The following ITGA8 variants were observed in gnomAD, a reference collection of about 807,000 sequenced individuals.
ITGA8 encodes integrin alpha-8.
In ITGA8, 91 loss-of-function variants were observed where a neutral mutation model predicts 142.3. The observed-to-expected ratio is 0.64, with a 90% confidence interval of 0.54 to 0.76. The LOEUF (loss-of-function observed/expected upper bound fraction) is 0.76, where lower values mean the gene tolerates loss of function less well. ITGA8 is among the 30% of genes least tolerant of loss of function. The pLI, the probability that ITGA8 is intolerant of heterozygous loss-of-function variation, is 0.00. For synonymous variants in ITGA8, 505 were observed against 485.2 expected (o/e 1.04, Z -0.54); for missense variants, 1,406 against 1,327.7 (o/e 1.06, Z -0.92).
In ITGA8 at chr10:15,586,658, G is replaced by T. The variant is rs1243027041; in HGVS notation, c.2298C>A (p.Asn766Lys). 5 of 1,603,112 alleles carry T rather than the reference G, an allele frequency of 3.1e-6. No individual in the cohort carries two copies. Among genetic ancestry groups the T allele is most frequent in the Non-Finnish European group, 4.3e-6 (5 of 1,170,316 alleles). ...INFDLQIRSS[N>K]KDNPDSNFVS... ...CAAAATTGCTGTCTGGATTGTCCTTGTTGGAACTAAAACACAAGGACATGT... is the reference window on the plus strand; with the variant it reads ...CAAAATTGCTGTCTGGATTGTCCTTTTTGGAACTAAAACACAAGGACATGT... Residue 766 changes from asparagine (N) to lysine (K), a missense_variant, in exon 23 of 30, where the codon AAC becomes AAA. By Grantham distance (94) the Asn-to-Lys change is moderately conservative (BLOSUM62 0). Coordinates refer to ENST00000378076, the MANE Select transcript of ITGA8 (RefSeq NM_003638.3).
intron 11 of ITGA8, among the ~76,000 whole-genome samples, chr10:15,653,160 C>T (rs1834120237): frequency 6.6e-6 from 1 of 152,146 alleles, no homozygotes; most frequent in Non-Finnish European, 1.5e-5. Flanking sequence ...TTTTGCTCTT[C>T]CACAGGGAAC....
intron 2 of ITGA8, among the ~76,000 whole-genome samples, chr10:15,711,479 A>T (rs1835362939): frequency 6.6e-6 from 1 of 152,054 alleles, no homozygotes; most frequent in Non-Finnish European, 1.5e-5. Flanking sequence ...TTTTCTCTTC[A>T]TCTTTTTGTT....
rs185143357 is a variant in ITGA8 at position 15,644,243 on chromosome 10, G to A, written c.1208-22C>T. On this transcript the variant is annotated intron_variant, in intron 12 of 29. Coordinates refer to ENST00000378076, the MANE Select transcript of ITGA8 (RefSeq NM_003638.3). ...ATGTCTAAAAACAGACATAAAACAT[G>A]TTTTATGTGTATATGTATTTAATTC... 9.1e-4 allele frequency: 1,455 copies of A among 1,602,288 alleles called. 6 individuals are homozygous for A. The African/African-American group carries it at 0.013, about 15-fold the overall frequency.
At chr10:15,537,465 C>T (rs1833468075) in intron 27 of ITGA8, among the ~76,000 whole-genome samples, 1 of 152,162 alleles carries the variant, frequency 6.6e-6, no homozygotes, top group African/African-American at 2.4e-5. Flanking sequence ...GCTACAGATT[C>T]TTCTTTTCTG....
intron 11 of ITGA8, among the ~76,000 whole-genome samples, chr10:15,648,213 T>C (rs1161155928): frequency 1.3e-5 from 2 of 152,146 alleles, no homozygotes; most frequent in Non-Finnish European, 2.9e-5. Context: ...TTGATCTAAA[T>C]TAATGGCCTC....
intron 2 of ITGA8, among the ~76,000 whole-genome samples, chr10:15,699,502 C>T (rs1042953311): frequency 6.6e-6 from 1 of 152,188 alleles, no homozygotes; most frequent in Non-Finnish European, 1.5e-5. Flanking sequence ...CAGTCTAGCT[C>T]ATTCTTTTTA....
intron 8 of ITGA8, among the ~76,000 whole-genome samples, chr10:15,664,785 T>C (rs1834356189): frequency 6.6e-6 from 1 of 151,768 alleles, no homozygotes; most frequent in African/African-American, 2.4e-5. Context: ...TTTGTCCTTG[T>C]GATAGTTTGC....
In ITGA8 at chr10:15,537,648, A is replaced by C. The variant is rs78751758; in HGVS notation, c.2881-6497T>G. Among the ~76,000 whole-genome samples, 63 of 152,176 alleles carry C rather than the reference A, an allele frequency of 4.1e-4. No individual in the cohort carries two copies. The East Asian group carries it at 0.011, about 28-fold the overall frequency. ...CTGAAGTGTGTGGGCTAAAATAGTA[A>C]CTTTCCCCTACACTCTAGTGTCATA... On this transcript the variant is annotated intron_variant, in intron 27 of 29. Coordinates refer to ENST00000378076, the MANE Select transcript of ITGA8 (RefSeq NM_003638.3).
rs529948596 is a variant in ITGA8 at position 15,675,004 on chromosome 10, G to A, written c.677-2255C>T. Among the ~76,000 whole-genome samples, 263 of 151,284 alleles carry A rather than the reference G, an allele frequency of 1.7e-3. 1 individual carries two copies. Among genetic ancestry groups the A allele is most frequent in the African/African-American group, 6.2e-3 (255 of 41,226 alleles). On this transcript the variant is annotated intron_variant, in intron 6 of 29. Transcript: ENST00000378076. ...CTCAATGACTTTTAAACATGATCAA[G>A]TTTCTTCCATTAAAAAAATTCCTCC...
At chr10:15,637,287 T>C (rs1275665627) in intron 13 of ITGA8, among the ~76,000 whole-genome samples, 1 of 152,214 alleles carries the variant, frequency 6.6e-6, no homozygotes, top group African/African-American at 2.4e-5. Flanking sequence ...TTTTCTATTC[T>C]GAGCCATTTG....
chr10:15,566,533 G>A (rs1326210015), intron 25 of ITGA8, among the ~76,000 whole-genome samples: 3 of 152,006 alleles, frequency 2.0e-5, no homozygotes, highest in Admixed American at 6.6e-5. Context: ...ATCCTAGGCC[G>A]GGCATGGTGG....
At chr10:15,621,137 T>C (rs1833483302) in intron 13 of ITGA8, among the ~76,000 whole-genome samples, 1 of 151,942 alleles carries the variant, frequency 6.6e-6, no homozygotes. Context: ...TAAAAAACTT[T>C]GCCTTTCTCT....
chr10:15,562,214 A>G (rs541467262), intron 25 of ITGA8, among the ~76,000 whole-genome samples: 2 of 152,322 alleles, frequency 1.3e-5, no homozygotes, highest in African/African-American at 4.8e-5. Flanking sequence ...TAGTAATGAT[A>G]GAGCTATTGC....
Position 15,514,729 on chromosome 10 carries a change from G to C in ITGA8, c.*2429C>G, listed in dbSNP as rs1832931963. ...TTGCTTCCATATTCTAAAGGGCAGA[G>C]GGCCACTGCGTGCATGCGCGTGTGT... On this transcript the variant is annotated 3_prime_UTR_variant, in exon 30 of 30. Coordinates refer to ENST00000378076, the MANE Select transcript of ITGA8 (RefSeq NM_003638.3). The C allele has an allele frequency of 2.0e-5, 3 of 152,262 alleles. No individual in the cohort carries two copies. The highest frequency in any genetic ancestry group is 4.4e-5 in the Non-Finnish European group (3 of 68,110). 9.4% of individuals were successfully genotyped at this position (152,262 alleles called of 1,614,324 possible).
intron 13 of ITGA8, among the ~76,000 whole-genome samples, chr10:15,640,771 G>A (rs535563725): frequency 7.9e-5 from 12 of 152,236 alleles, no homozygotes; most frequent in African/African-American, 2.9e-4. Flanking sequence ...TCCTAACAGT[G>A]GCTCAGAAGC....
At chr10:15,571,201 G>A (rs2131580448) in intron 25 of ITGA8, among the ~76,000 whole-genome samples, 1 of 152,292 alleles carries the variant, frequency 6.6e-6, no homozygotes, top group Non-Finnish European at 1.5e-5. Context: ...CTTTGAATAG[G>A]AGGCATGTTG....
chr10:15,561,235 G>GTATATATATATATATGTA (rs1833973861), intron 25 of ITGA8, among the ~76,000 whole-genome samples: 2 of 101,578 alleles, frequency 2.0e-5, no homozygotes, highest in African/African-American at 6.3e-5. Context: ...ATATATATAT[G>GTATATATATATATATGTA]TATATATATA....
In ITGA8 at chr10:15,526,210, G is replaced by C. The variant is rs140091037; in HGVS notation, c.2982+4840C>G. Among the ~76,000 whole-genome samples, 1,110 of 150,594 alleles carry C rather than the reference G, an allele frequency of 7.4e-3. 12 individuals are homozygous for C. The highest frequency in any genetic ancestry group is 0.026 in the African/African-American group (1,075 of 41,032). On this transcript the variant is annotated intron_variant, in intron 28 of 29. Transcript: ENST00000378076. ...TTTTTTTTTGAGACGGAGTTGTGCT[G>C]TTATCGCCCAGGCTGGAGTGTTATC... is the stretch of plus-strand genomic sequence containing the variant.
At chr10:15,593,985 GTGTGT>G (rs1320899092) in intron 21 of ITGA8, among the ~76,000 whole-genome samples, 1 of 151,924 alleles carries the variant, frequency 6.6e-6, no homozygotes, top group Admixed American at 6.6e-5. Context: ...GGGATTACGG[GTGTGT>G]GCCACCACAC....
Sources: gnomAD v4.1 joint callset for allele counts (sites outside exome capture counted in the v4.1 genomes callset) on GRCh38, gnomAD v4.1.1 for gene constraint, MANE v1.5 for transcripts, NCBI Gene and HGNC (gene_info 2026-07-23, HGNC 2026-07-21) for gene names.